The following KLHL29 variants were observed in gnomAD, a reference collection of about 807,000 sequenced individuals.
The protein encoded by KLHL29 is kelch like family member 29, also known as kelch-like protein 29.
In KLHL29, 21 loss-of-function variants were observed where a neutral mutation model predicts 80.4. That is an observed-to-expected ratio of 0.26 (90% confidence interval 0.19 to 0.38). The LOEUF is 0.38. Among genes scored for constraint, KLHL29 ranks in the 10% least tolerant of loss-of-function variants. The pLI is 1.00. For synonymous variants in KLHL29, 511 were observed against 526.8 expected, an observed-to-expected ratio of 0.97 and a Z score of 0.41; for missense variants, 867 against 1,223.9, an observed-to-expected ratio of 0.71 and a Z score of 4.35.
chr2:23,458,904 G>A (rs964963829), intron 1 of KLHL29, among the ~76,000 whole-genome samples: 5 of 152,228 alleles, frequency 3.3e-5, no homozygotes, highest in African/African-American at 4.8e-5. Context: ...GAAGGCTAAC[G>A]CAGAGGAGAA....
chr2:23,563,346 A>G (rs1410048294), intron 3 of KLHL29, among the ~76,000 whole-genome samples: 2 of 152,202 alleles, frequency 1.3e-5, no homozygotes, highest in Non-Finnish European at 2.9e-5. Flanking sequence ...TGGCTGTGGT[A>G]GGAAGGCCAT....
In KLHL29 at chr2:23,642,552, G is replaced by A; in HGVS notation, c.642G>A (p.Leu214=). ...TCCCTCAGCCGCCCTCTCAGCCACT[G>A]AGCAGCGTGGTGGTCAACATGCCTG... The part of the protein sequence containing the change: ...YSLPQPPSQP[L]SSVVVNMPAQ... Residue 214 remains leucine, a synonymous_variant, in exon 5 of 14, where the codon CTG becomes CTA. Transcript: ENST00000486442. The A allele has an allele frequency of 3.2e-6, 5 of 1,544,636 alleles. No homozygotes were observed. Among genetic ancestry groups the A allele is most frequent in the Non-Finnish European group, 4.4e-6 (5 of 1,142,330 alleles).
Position 23,403,724 on chromosome 2 carries a change from AGAGTGT to A in KLHL29, c.-154+17946_-154+17951del, listed in dbSNP as rs1368968310. On this transcript the variant is annotated intron_variant, in intron 1 of 13. Coordinates refer to ENST00000486442, the MANE Select transcript of KLHL29 (RefSeq NM_052920.2). ...AGATGAAACCCAAAGAGAGAGAGAG[AGAGTGT>A]GTGTGTGTGTGTGTGTGTGTGTGTG... Among the ~76,000 whole-genome samples the A allele has an allele frequency of 8.6e-5, 12 of 140,184 alleles. 1 individual carries two copies. The highest frequency in any genetic ancestry group is 4.7e-4 in the South Asian group (2 of 4,272). The allele number at this position is 140,184 out of a possible 152,430, so 92.0% of individuals were successfully genotyped here.
intron 2 of KLHL29, among the ~76,000 whole-genome samples, chr2:23,508,148 CTG>C (rs1056629901): frequency 3.3e-5 from 5 of 152,206 alleles, no homozygotes; most frequent in African/African-American, 1.2e-4. Context: ...ACCCAAGAAA[CTG>C]TGTGGCTCAA....
chr2:23,693,829 G>C (rs902315902), intron 8 of KLHL29, among the ~76,000 whole-genome samples: 1 of 152,178 alleles, frequency 6.6e-6, no homozygotes, highest in Non-Finnish European at 1.5e-5. Flanking sequence ...CCAGCTGGAG[G>C]AGCCCATACC....
chr2:23,495,143 C>G (rs1422607483), intron 2 of KLHL29, among the ~76,000 whole-genome samples: 2 of 152,230 alleles, frequency 1.3e-5, no homozygotes, highest in African/African-American at 4.8e-5. Flanking sequence ...ACATCTCAGT[C>G]TCCCAGAGTG....
chr2:23,564,456 T>A (rs1470725666), intron 3 of KLHL29, among the ~76,000 whole-genome samples: 1 of 152,176 alleles, frequency 6.6e-6, no homozygotes, highest in Non-Finnish European at 1.5e-5. Flanking sequence ...AGGAACTGAA[T>A]TCTGCCTCCA....
chr2:23,561,508 A>C (rs1191854164), intron 2 of KLHL29, among the ~76,000 whole-genome samples: 1 of 152,152 alleles, frequency 6.6e-6, no homozygotes, highest in Non-Finnish European at 1.5e-5. Context: ...CAACTCCTGG[A>C]GGCTAACACC....
At chr2:23,521,010 C>T (rs565825820) in intron 2 of KLHL29, among the ~76,000 whole-genome samples, 35 of 152,188 alleles carry the variant, frequency 2.3e-4, no homozygotes, top group Admixed American at 2.1e-3. Context: ...CCCCGCTCCC[C>T]CTCAGGGGTG....
At chr2:23,581,741 T>C (rs1003040483) in intron 3 of KLHL29, among the ~76,000 whole-genome samples, 1 of 143,764 alleles carries the variant, frequency 7.0e-6, no homozygotes, top group African/African-American at 2.6e-5. Flanking sequence ...GGCAGGAGAA[T>C]CGCTTGAACC....
At chr2:23,511,152 C>A (rs61030790) in intron 2 of KLHL29, among the ~76,000 whole-genome samples, 1 of 151,946 alleles carries the variant, frequency 6.6e-6, no homozygotes, top group African/African-American at 2.4e-5. Flanking sequence ...GTTTCTAGGG[C>A]ATTTGATAAA....
At chr2:23,555,095 T>G (rs1250963336) in intron 2 of KLHL29, among the ~76,000 whole-genome samples, 1 of 150,482 alleles carries the variant, frequency 6.6e-6, no homozygotes, top group East Asian at 2.1e-4. Context: ...GTCCCCTGTG[T>G]CGTGGGTATT....
At chr2:23,545,333 A>T (rs536163477) in intron 2 of KLHL29, among the ~76,000 whole-genome samples, 37 of 152,348 alleles carry the variant, frequency 2.4e-4, no homozygotes, top group African/African-American at 8.4e-4. Context: ...AAGCCACCGC[A>T]TCACTGAGCC....
At chr2:23,550,495 G>A (rs1339576556) in intron 2 of KLHL29, among the ~76,000 whole-genome samples, 1 of 152,196 alleles carries the variant, frequency 6.6e-6, no homozygotes, top group Non-Finnish European at 1.5e-5. Flanking sequence ...TCCGGACAGG[G>A]ATGTTAATGT....
chr2:23,658,528 C>G (rs918664020), intron 5 of KLHL29, among the ~76,000 whole-genome samples: 1 of 152,184 alleles, frequency 6.6e-6, no homozygotes, highest in African/African-American at 2.4e-5. Flanking sequence ...GCTCCTCTGC[C>G]CAGAGGCATG....
At chr2:23,444,157 T>G (rs1233116195) in intron 1 of KLHL29, among the ~76,000 whole-genome samples, 1 of 152,212 alleles carries the variant, frequency 6.6e-6, no homozygotes, top group Non-Finnish European at 1.5e-5. Context: ...TTAGTGGGAC[T>G]TACCTCTTAG....
At chr2:23,652,988 C>G (rs1670126078) in intron 5 of KLHL29, among the ~76,000 whole-genome samples, 1 of 152,124 alleles carries the variant, frequency 6.6e-6, no homozygotes, top group African/African-American at 2.4e-5. Context: ...CTTTTGAAGT[C>G]TAGGAGGTAG....
intron 2 of KLHL29, among the ~76,000 whole-genome samples, chr2:23,475,933 G>T (rs550082559): frequency 1.3e-5 from 2 of 152,210 alleles, no homozygotes; most frequent in Non-Finnish European, 2.9e-5. Flanking sequence ...AGGCTGGAGC[G>T]CAGTGGCGCA....
At chr2:23,678,139 AT>A (rs1198130966) in intron 5 of KLHL29, among the ~76,000 whole-genome samples, 3 of 152,184 alleles carry the variant, frequency 2.0e-5, no homozygotes, top group African/African-American at 7.2e-5. Context: ...TTGGTGAAAA[AT>A]ATGCAGAAGT....
Sources: allele counts gnomAD v4.1 joint callset (sites outside exome capture counted in the v4.1 genomes callset), GRCh38; gene constraint gnomAD v4.1.1; transcripts MANE v1.5; gene names NCBI Gene and HGNC (gene_info 2026-07-23, HGNC 2026-07-21).